Variants in SCFD2 observed in about 807,000 individuals in gnomAD.
SCFD2 encodes the protein sec1 family domain-containing protein 2.
In SCFD2, 54 loss-of-function variants were observed where a neutral mutation model predicts 58.9. The ratio of observed to expected loss-of-function variants is 0.92; its 90% confidence interval spans 0.74 to 1.15. SCFD2 has a LOEUF of 1.15. Ranked by LOEUF, SCFD2 falls within the 50% of genes most tolerant of loss-of-function variation. The pLI, the probability that SCFD2 is intolerant of heterozygous loss-of-function variation, is 0.00. For synonymous variants in SCFD2, 321 were observed against 335.9 expected, an observed-to-expected ratio of 0.96 and a Z score of 0.49; for missense variants, 805 against 836.6, an observed-to-expected ratio of 0.96 and a Z score of 0.47.
intron 5 of SCFD2, among the ~76,000 whole-genome samples, chr4:52,924,919 A>G (rs1012311861): frequency 5.9e-5 from 9 of 152,202 alleles, no homozygotes; most frequent in African/African-American, 2.2e-4. Context: ...GAATTGATAG[A>G]TAAGATGGAA....
intron 4 of SCFD2, among the ~76,000 whole-genome samples, chr4:53,235,539 G>C (rs926644659): frequency 6.6e-6 from 1 of 150,846 alleles, no homozygotes; most frequent in Non-Finnish European, 1.5e-5. Flanking sequence ...GAGAGATAAA[G>C]TAAACAAAAT....
At chr4:53,224,805 G>A (rs1729153263) in intron 4 of SCFD2, among the ~76,000 whole-genome samples, 1 of 151,430 alleles carries the variant, frequency 6.6e-6, no homozygotes, top group Admixed American at 6.6e-5. Context: ...TAATTGTGAT[G>A]TATTTTCCAG....
chr4:52,934,513 G>A (rs1485809701), intron 5 of SCFD2, among the ~76,000 whole-genome samples: 2 of 152,196 alleles, frequency 1.3e-5, no homozygotes, highest in African/African-American at 4.8e-5. Flanking sequence ...GGCAGGCTGT[G>A]GCTGTCTGGT....
chr4:52,924,242 T>C (rs1719811880), intron 5 of SCFD2, among the ~76,000 whole-genome samples: 1 of 152,182 alleles, frequency 6.6e-6, no homozygotes, highest in South Asian at 2.1e-4. Context: ...GATTATACAG[T>C]ATTTACTTAA....
chr4:52,953,248 G>C (rs1720640860), intron 5 of SCFD2, among the ~76,000 whole-genome samples: 1 of 152,180 alleles, frequency 6.6e-6, no homozygotes, highest in Non-Finnish European at 1.5e-5. Flanking sequence ...TTTAACTACA[G>C]TAGTTTCCAA....
At chr4:53,238,332 G>A (rs1158406759) in intron 4 of SCFD2, among the ~76,000 whole-genome samples, 12 of 19,178 alleles carry the variant, frequency 6.3e-4, no homozygotes, top group Non-Finnish European at 1.1e-3. Flanking sequence ...CCTCCTGGAC[G>A]GGGCGGCTGG....
chr4:53,269,332 T>G (rs1399942546), intron 4 of SCFD2, among the ~76,000 whole-genome samples: 2 of 151,592 alleles, frequency 1.3e-5, no homozygotes, highest in Non-Finnish European at 2.9e-5. Context: ...TCAAAAAAAT[T>G]TAAAAAAGAA....
At chr4:53,216,528 C>T (rs1728841874) in intron 4 of SCFD2, among the ~76,000 whole-genome samples, 1 of 151,910 alleles carries the variant, frequency 6.6e-6, no homozygotes, top group Non-Finnish European at 1.5e-5. Context: ...CTATTTGATT[C>T]TTCTCTCTTT....
At chr4:52,886,629 G>A (rs1718748083) in intron 7 of SCFD2, among the ~76,000 whole-genome samples, 1 of 152,230 alleles carries the variant, frequency 6.6e-6, no homozygotes. Context: ...TGCTGGCTGT[G>A]GAGGACCCTG....
At chr4:52,892,026 AGT>A (rs1405441106) in intron 7 of SCFD2, among the ~76,000 whole-genome samples, 4 of 152,216 alleles carry the variant, frequency 2.6e-5, no homozygotes, top group Non-Finnish European at 5.9e-5. Flanking sequence ...CACACATGCC[AGT>A]GTCCCCAGAT....
At chr4:53,047,431 G>C (rs996996381) in intron 5 of SCFD2, among the ~76,000 whole-genome samples, 4 of 152,196 alleles carry the variant, frequency 2.6e-5, no homozygotes, top group Non-Finnish European at 5.9e-5. Context: ...CTGGACAACA[G>C]AGTGAGACCC....
At chr4:53,259,519 A>G (rs1730763731) in intron 4 of SCFD2, among the ~76,000 whole-genome samples, 2 of 152,160 alleles carry the variant, frequency 1.3e-5, no homozygotes, top group South Asian at 4.1e-4. Context: ...TTCAAAGATC[A>G]GTTGGCTGTT....
intron 2 of SCFD2, among the ~76,000 whole-genome samples, chr4:53,348,329 C>G (rs1461931810): frequency 1.3e-5 from 2 of 152,182 alleles, no homozygotes; most frequent in Non-Finnish European, 2.9e-5. Flanking sequence ...TTGCCAAGCA[C>G]TTATTTGTTT....
intron 4 of SCFD2, among the ~76,000 whole-genome samples, chr4:53,194,705 T>A (rs923878598): frequency 6.6e-6 from 1 of 152,108 alleles, no homozygotes; most frequent in African/African-American, 2.4e-5. Context: ...CAAACCATCT[T>A]TTATCTTAAT....
chr4:52,930,309 C>G (rs1208939363), intron 5 of SCFD2, among the ~76,000 whole-genome samples: 1 of 152,060 alleles, frequency 6.6e-6, no homozygotes, highest in Non-Finnish European at 1.5e-5. Flanking sequence ...TAGCCATATG[C>G]AGAAAATTGA....
intron 5 of SCFD2, among the ~76,000 whole-genome samples, chr4:53,138,046 T>C (rs553810273): frequency 3.3e-5 from 5 of 152,174 alleles, no homozygotes; most frequent in Non-Finnish European, 7.3e-5. Flanking sequence ...TCTCATTGTC[T>C]ATGCACATGA....
intron 8 of SCFD2, among the ~76,000 whole-genome samples, chr4:52,884,123 C>A (rs1029943664): frequency 6.6e-6 from 1 of 152,184 alleles, no homozygotes; most frequent in Non-Finnish European, 1.5e-5. Flanking sequence ...AAAGCCCCAG[C>A]CTTTGTCCTC....
intron 5 of SCFD2, among the ~76,000 whole-genome samples, chr4:53,036,810 T>G (rs1160471078): frequency 2.6e-5 from 4 of 152,172 alleles, no homozygotes; most frequent in Non-Finnish European, 2.9e-5. Flanking sequence ...AACTGCACAT[T>G]CTGCACATGT....
intron 5 of SCFD2, among the ~76,000 whole-genome samples, chr4:52,977,526 A>G (rs1317967804): frequency 6.6e-6 from 1 of 152,142 alleles, no homozygotes; most frequent in Admixed American, 6.6e-5. Context: ...AAGGGGTCAG[A>G]CTATAGGCCA....
Sources: gnomAD v4.1 joint callset for allele counts (sites outside exome capture counted in the v4.1 genomes callset) on GRCh38, gnomAD v4.1.1 for gene constraint, MANE v1.5 for transcripts, NCBI Gene and HGNC (gene_info 2026-07-23, HGNC 2026-07-21) for gene names.